The following DGKB variants were observed in gnomAD, a reference collection of about 807,000 sequenced individuals.
The protein encoded by DGKB is 90 kDa diacylglycerol kinase.
Under a neutral mutation model 114.3 loss-of-function variants are expected in DGKB, and 67 were observed. The observed-to-expected ratio is 0.59, with a 90% CI of 0.48 to 0.72. The LOEUF (loss-of-function observed/expected upper bound fraction) is 0.72, where lower values mean the gene tolerates loss of function less well. DGKB is among the 30% of genes least tolerant of loss of function. The pLI is 0.00. For synonymous variants in DGKB, 398 were observed against 323.1 expected (o/e 1.23, Z -2.49); for missense variants, 907 against 975.2 (o/e 0.93, Z 0.93).
chr7:14,313,553 C>A (rs1215872822), intron 23 of DGKB, among the ~76,000 whole-genome samples: 4 of 152,186 alleles, frequency 2.6e-5, no homozygotes, highest in African/African-American at 9.6e-5. Flanking sequence ...TCACTCCCAC[C>A]CGAATACTGC....
At chr7:14,242,153 C>T (rs1000626585) in intron 23 of DGKB, among the ~76,000 whole-genome samples, 4 of 152,250 alleles carry the variant, frequency 2.6e-5, no homozygotes, top group Admixed American at 2.6e-4. Flanking sequence ...CAGTCCCTGA[C>T]CTGCCTACAG....
chr7:14,675,674 A>C (rs1478902087), intron 12 of DGKB, among the ~76,000 whole-genome samples: 2 of 151,858 alleles, frequency 1.3e-5, no homozygotes, highest in East Asian at 3.9e-4. Context: ...AGGCGGTCGT[A>C]AGGCACTCCC....
chr7:14,826,959 G>A (rs1433370186), intron 2 of DGKB, among the ~76,000 whole-genome samples: 3 of 152,066 alleles, frequency 2.0e-5, no homozygotes, highest in African/African-American at 7.2e-5. Flanking sequence ...GCCATCTTTT[G>A]CTCTTAGGGG....
chr7:14,466,772 C>T (rs1051636904), intron 21 of DGKB, among the ~76,000 whole-genome samples: 34 of 152,046 alleles, frequency 2.2e-4, no homozygotes, highest in East Asian at 1.3e-3. Flanking sequence ...GAGCTGAGAT[C>T]GCGCCACTGC....
chr7:14,658,137 T>C (rs1816238040), intron 13 of DGKB, among the ~76,000 whole-genome samples: 1 of 151,840 alleles, frequency 6.6e-6, no homozygotes, highest in South Asian at 2.1e-4. Context: ...ATATGACATA[T>C]GGTTTTCTGA....
intron 23 of DGKB, among the ~76,000 whole-genome samples, chr7:14,233,037 T>A (rs1792157841): frequency 6.6e-6 from 1 of 152,086 alleles, no homozygotes; most frequent in South Asian, 2.1e-4. Flanking sequence ...TATTCAAGCT[T>A]ATTATTCATG....
At chr7:14,159,950 C>T (rs926855849) in intron 25 of DGKB, among the ~76,000 whole-genome samples, 9 of 152,204 alleles carry the variant, frequency 5.9e-5, no homozygotes, top group South Asian at 2.1e-4. Context: ...TGGAATTACA[C>T]GCAGGAGCCA....
At chr7:14,863,596 A>G (rs1424433621) in intron 1 of DGKB, among the ~76,000 whole-genome samples, 2 of 152,070 alleles carry the variant, frequency 1.3e-5, no homozygotes, top group Non-Finnish European at 2.9e-5. Flanking sequence ...AATATGAATT[A>G]AAATATAGTT....
intron 23 of DGKB, among the ~76,000 whole-genome samples, chr7:14,307,647 T>A (rs1461806117): frequency 2.6e-5 from 4 of 152,318 alleles, no homozygotes; most frequent in Non-Finnish European, 5.9e-5. Context: ...TGGAGAAATA[T>A]AACATTTGTA....
intron 2 of DGKB, among the ~76,000 whole-genome samples, chr7:14,794,229 T>C (rs895917648): frequency 5.9e-5 from 9 of 152,176 alleles, no homozygotes; most frequent in African/African-American, 1.7e-4. Context: ...AAAGATAAGT[T>C]TTCAAAATTG....
intron 21 of DGKB, among the ~76,000 whole-genome samples, chr7:14,377,197 T>C (rs1818631530): frequency 6.6e-6 from 1 of 152,148 alleles, no homozygotes; most frequent in Non-Finnish European, 1.5e-5. Flanking sequence ...TGTTTCCTGA[T>C]TAGGCTGTTT....
intron 1 of DGKB, among the ~76,000 whole-genome samples, chr7:14,927,938 G>T (rs2128249612): frequency 6.6e-6 from 1 of 151,850 alleles, no homozygotes; most frequent in East Asian, 1.9e-4. Context: ...TATCTTGGAT[G>T]CAATTTATAG....
chr7:14,397,777 C>T (rs1822475170), intron 21 of DGKB, among the ~76,000 whole-genome samples: 1 of 151,904 alleles, frequency 6.6e-6, no homozygotes, highest in South Asian at 2.1e-4. Context: ...GTGGATTGTG[C>T]TTGTTAGGTA....
chr7:14,485,300 G>GGTGTGTGTGTGTGT (rs60976022), intron 20 of DGKB, among the ~76,000 whole-genome samples: 1 of 141,898 alleles, frequency 7.0e-6, no homozygotes, highest in African/African-American at 2.6e-5. Flanking sequence ...ATGCTCATGA[G>GGTGTGTGTGTGTGT]GTGTGTGTGT....
intron 21 of DGKB, among the ~76,000 whole-genome samples, chr7:14,467,186 ATTTT>A (rs1171377245): frequency 2.7e-5 from 4 of 149,342 alleles, no homozygotes; most frequent in African/African-American, 7.3e-5. Flanking sequence ...TTATATAATT[ATTTT>A]ATTACTTACT....
At position 14,794,549 on chromosome 7, in the gene DGKB, G is replaced by A. The variant is rs140555701; in HGVS notation, c.71-36818C>T. Among the ~76,000 whole-genome samples the A allele has an allele frequency of 2.3e-3, 352 of 152,218 alleles. 1 individual carries two copies. Among genetic ancestry groups the A allele is most frequent in the African/African-American group, 8.3e-3 (343 of 41,548 alleles). On this transcript the variant is annotated intron_variant, in intron 2 of 25. Transcript: ENST00000402815. ...CTAAGGATTTGAATTCCCAGCTCAA[G>A]TGCTGCATAAATGACTTAGGAGCTT...
At chr7:14,956,527 T>A (rs1786514994) in intron 1 of DGKB, among the ~76,000 whole-genome samples, 1 of 152,060 alleles carries the variant, frequency 6.6e-6, no homozygotes, top group Non-Finnish European at 1.5e-5. Context: ...CTTTAGGGGA[T>A]GTGAAAATGA....
intron 1 of DGKB, among the ~76,000 whole-genome samples, chr7:14,885,210 G>T (rs536617694): frequency 6.6e-6 from 1 of 151,924 alleles, no homozygotes; most frequent in South Asian, 2.1e-4. Context: ...TAACTGAAGG[G>T]ATTGCTAACA....
intron 23 of DGKB, among the ~76,000 whole-genome samples, chr7:14,282,907 T>C (rs1800214758): frequency 6.6e-6 from 1 of 152,052 alleles, no homozygotes; most frequent in Non-Finnish European, 1.5e-5. Flanking sequence ...GCCAATATCA[T>C]ACTGAATGGG....
Sources: allele counts gnomAD v4.1 joint callset (sites outside exome capture counted in the v4.1 genomes callset), GRCh38; gene constraint gnomAD v4.1.1; transcripts MANE v1.5; gene names NCBI Gene and HGNC (gene_info 2026-07-23, HGNC 2026-07-21).